Variants in KCNT1 observed in about 807,000 individuals in gnomAD.
KCNT1 encodes potassium sodium-activated channel subfamily T member 1.
KCNT1 carries 78 observed loss-of-function variants against 147.8 expected under a neutral mutation model. The ratio of observed to expected loss-of-function variants is 0.53; its 90% CI spans 0.44 to 0.64. The LOEUF is 0.64. Among genes scored for constraint, KCNT1 ranks in the 30% least tolerant of loss-of-function variants. The pLI is 0.00. For synonymous variants in KCNT1, 867 were observed against 748.8 expected, an observed-to-expected ratio of 1.16 and a Z score of -2.58; for missense variants, 1,419 against 1,750.3, an observed-to-expected ratio of 0.81 and a Z score of 3.38.
At chr9:135,748,771 G>A (rs1166684665) in intron 2 of KCNT1, among the ~76,000 whole-genome samples, 2 of 152,238 alleles carry the variant, frequency 1.3e-5, no homozygotes, top group Non-Finnish European at 2.9e-5. Context: ...CGCTGCACTG[G>A]GCAGGGGGCC....
chr9:135,752,186 G>A lies in KCNT1; in HGVS notation c.434+1145G>A. 1 of 355,752 alleles carries A rather than the reference G, an allele frequency of 2.8e-6. No individual in the cohort carries two copies. Among genetic ancestry groups the A allele is most frequent in the Non-Finnish European group, 5.6e-6 (1 of 179,554 alleles). 22.0% of individuals were successfully genotyped at this position (355,752 alleles called of 1,614,324 possible). ...CTGCCAGCATGCTGGTCCCCCCTCTGGCTGCGCAGAGCAGGTTCTTCCCTG... is the reference window on the plus strand; with the variant it reads ...CTGCCAGCATGCTGGTCCCCCCTCTAGCTGCGCAGAGCAGGTTCTTCCCTG... On this transcript the variant is annotated intron_variant, in intron 4 of 30. Transcript: ENST00000371757. This position sits in a 1 kb window ranked among gnomAD's most constrained non-coding sequence, Gnocchi z 5.1.
intron 2 of KCNT1, among the ~76,000 whole-genome samples, chr9:135,717,562 CG>C (rs1835770910): frequency 6.6e-6 from 1 of 152,196 alleles, no homozygotes; most frequent in East Asian, 1.9e-4. Context: ...GGCAACTTTC[CG>C]GGGGCGCAGG....
intron 24 of KCNT1, among the ~76,000 whole-genome samples, chr9:135,780,290 G>T (rs553656790): frequency 3.3e-5 from 5 of 152,206 alleles, no homozygotes; most frequent in Non-Finnish European, 7.3e-5. Context: ...CGAGCTCACC[G>T]GTCTGGGCTG....
chr9:135,785,966 T>G, intron 28 of KCNT1: 1 of 566,056 alleles, frequency 1.8e-6, no homozygotes, highest in Non-Finnish European at 3.1e-6. Flanking sequence ...CCGGGCAGGG[T>G]GGGTGGCCCG....
intron 1 of KCNT1, among the ~76,000 whole-genome samples, chr9:135,707,985 C>T (rs1835325119): frequency 6.6e-6 from 1 of 152,236 alleles, no homozygotes; most frequent in Non-Finnish European, 1.5e-5. Flanking sequence ...GGACGCTTGC[C>T]TGCCCAGCTG....
At chr9:135,736,117 G>A (rs887005631) in intron 2 of KCNT1, among the ~76,000 whole-genome samples, 21 of 152,316 alleles carry the variant, frequency 1.4e-4, no homozygotes, top group Non-Finnish European at 1.9e-4. Context: ...GAATTGGGGG[G>A]TGAGGACCCT....
intron 10 of KCNT1, 123 bp from the exon 11 acceptor site, chr9:135,759,556 G>A (rs991111710): frequency 4.9e-5 from 51 of 1,036,832 alleles, no homozygotes; most frequent in African/African-American, 2.7e-4. Context: ...GGCGGGGCTC[G>A]CCTGGTGATG....
chr9:135,702,615 TG>T (rs919715517), intron 1 of KCNT1, among the ~76,000 whole-genome samples: 1 of 151,976 alleles, frequency 6.6e-6, no homozygotes, highest in Admixed American at 6.5e-5. Flanking sequence ...GGTAAGAAGC[TG>T]GGGGGAGCGG....
At chr9:135,706,637 T>C (rs1481416652) in intron 1 of KCNT1, among the ~76,000 whole-genome samples, 1 of 152,216 alleles carries the variant, frequency 6.6e-6, no homozygotes, top group African/African-American at 2.4e-5. Flanking sequence ...CAAAGAGGGC[T>C]TCCATCTGCC....
intron 2 of KCNT1, among the ~76,000 whole-genome samples, chr9:135,732,017 GA>G (rs1564328225): frequency 3.1e-5 from 4 of 127,666 alleles, no homozygotes; most frequent in Non-Finnish European, 6.7e-5. Context: ...GAGAGAGAGA[GA>G]GAGAGAGAGA....
chr9:135,757,990 T>C (rs1831605824), intron 9 of KCNT1, among the ~76,000 whole-genome samples: 1 of 152,142 alleles, frequency 6.6e-6, no homozygotes, highest in Non-Finnish European at 1.5e-5. Context: ...TCCCCGGGGA[T>C]GTAGGCAAGA....
At chr9:135,742,431 AC>A (rs924691519) in intron 2 of KCNT1, among the ~76,000 whole-genome samples, 3 of 151,612 alleles carry the variant, frequency 2.0e-5, no homozygotes, top group East Asian at 1.9e-4. Context: ...TGTGGTTGTC[AC>A]CCCCCCATCT....
Position 135,758,469 on chromosome 9 carries a change from T to G in KCNT1, c.815T>G (p.Leu272Arg). Residue 272 changes from leucine (L) to arginine (R), a missense_variant, in exon 10 of 31, where the codon CTC (leucine) becomes CGC (arginine). Leu to Arg is a moderately radical substitution (Grantham distance 102, BLOSUM62 -2). Around this residue, in one of 5 missense-constraint regions of KCNT1, gnomAD observed 401 missense variants for 610.6 expected, o/e 0.66. Transcript: ENST00000371757. ...RTQSAMFNQV[L>R]ILFCTLLCLV... ...CAGTCAGCCATGTTCAACCAGGTCC[T>G]CATCCTCTTCTGCACCCTGCTGTGC... 6.2e-7 allele frequency: 1 copy of G among 1,613,738 alleles called. No individual in the cohort carries two copies.
chr9:135,717,439 A>C (rs1835765121), intron 2 of KCNT1, among the ~76,000 whole-genome samples: 1 of 151,568 alleles, frequency 6.6e-6, no homozygotes, highest in South Asian at 2.1e-4. Context: ...CGAGATCTGG[A>C]AGGTGGGGGG....
chr9:135,772,878 C>G lies in KCNT1; in HGVS notation c.2172C>G (p.Pro724=), dbSNP rs1354699667. The G allele has an allele frequency of 3.9e-6, 6 of 1,558,412 alleles. No homozygotes were observed. Among genetic ancestry groups the G allele is most frequent in the Admixed American group, 1.9e-5 (1 of 51,934 alleles). ...LELADSSALL[P]CDLLSDQSED... ...TGGCCGACAGCTCAGCCCTGCTGCC[C>G]TGCGACCTGCTGAGCGACCAGTCGG... Residue 724 remains proline, a synonymous_variant, in exon 19 of 31, where the codon CCC becomes CCG. Coordinates refer to ENST00000371757, the MANE Select transcript of KCNT1 (RefSeq NM_020822.3).
At position 135,758,527 on chromosome 9, in the gene KCNT1, T is replaced by G. The variant is rs762382117; in HGVS notation, c.854+19T>G. The stretch of plus-strand genomic sequence containing the variant: ...TCACGGGGTGAGTGCCGGCCGTCAG[T>G]GTGAGCACCCCAGGACGTTGGGAGG... On this transcript the variant is annotated intron_variant, in intron 10 of 30. Coordinates refer to ENST00000371757, the MANE Select transcript of KCNT1 (RefSeq NM_020822.3). 10 of 1,602,614 alleles carry G rather than the reference T, an allele frequency of 6.2e-6. No individual in the cohort carries two copies. The highest frequency in any genetic ancestry group is 1.6e-4 in the Middle Eastern group (1 of 6,066).
chr9:135,770,295 C>T lies in KCNT1; in HGVS notation c.1620-3C>T, dbSNP rs779378180. 8.8e-6 allele frequency: 14 copies of T among 1,588,652 alleles called. No homozygotes were observed. The East Asian group carries it at 2.2e-4, about 25-fold the overall frequency. ...GCTCCCCTGGCCCCGCCCTGGCCCA[C>T]AGGGAGGGACAGGAGTCTCCGGAGC... On this transcript the variant is annotated splice_polypyrimidine_tract_variant and splice_region_variant and intron_variant, in intron 16 of 30. Transcript: ENST00000371757.
chr9:135,738,923 T>G (rs1386059872), intron 2 of KCNT1, among the ~76,000 whole-genome samples: 2 of 152,056 alleles, frequency 1.3e-5, no homozygotes, highest in Non-Finnish European at 2.9e-5. Flanking sequence ...CTGCAAAGCT[T>G]TTGAGTAAAA....
At chr9:135,783,234 C>T (rs1833744595) in intron 24 of KCNT1, among the ~76,000 whole-genome samples, 1 of 152,260 alleles carries the variant, frequency 6.6e-6, no homozygotes, top group Non-Finnish European at 1.5e-5. Flanking sequence ...CCTCCTGGAG[C>T]ATCCGGCAGG....
Sources: allele counts gnomAD v4.1 joint callset (sites outside exome capture counted in the v4.1 genomes callset), GRCh38; gene constraint gnomAD v4.1.1; regional missense constraint gnomAD v4.1.1; non-coding constraint Gnocchi (gnomAD v3.1); transcripts MANE v1.5; gene names NCBI Gene and HGNC (gene_info 2026-07-23, HGNC 2026-07-21).